PCDH15: variants seen among roughly 807,000 people sequenced by gnomAD.
The protein encoded by PCDH15 is protocadherin related 15.
PCDH15 carries 129 observed loss-of-function variants against 178.5 expected under a neutral mutation model. That is an observed-to-expected ratio of 0.72 (90% confidence interval 0.63 to 0.84). The LOEUF (loss-of-function observed/expected upper bound fraction) is 0.84. Among genes scored for constraint, PCDH15 ranks in the 40% least tolerant of loss-of-function variants. The probability of loss-of-function intolerance (pLI) is 0.00; values close to 1 mark genes in which losing one functional copy is unlikely to be tolerated. For missense variants in PCDH15, 2,230 were observed against 2,099.9 expected, an observed-to-expected ratio of 1.06 and a Z score of -1.21; for synonymous variants, 800 against 732.0, an observed-to-expected ratio of 1.09 and a Z score of -1.50.
chr10:54,080,585 T>C (rs2135958405), intron 16 of PCDH15, among the ~76,000 whole-genome samples: 1 of 152,268 alleles, frequency 6.6e-6, no homozygotes. Flanking sequence ...ATTTAAACAA[T>C]TCATATCACA....
intron 2 of PCDH15, among the ~76,000 whole-genome samples, chr10:55,042,684 T>C (rs1320177645): frequency 6.6e-6 from 1 of 152,076 alleles, no homozygotes; most frequent in African/African-American, 2.4e-5. Context: ...TAAAAGTCAC[T>C]CAAAGTCATG....
chr10:55,077,839 G>C (rs1841946430), intron 2 of PCDH15, among the ~76,000 whole-genome samples: 1 of 152,112 alleles, frequency 6.6e-6, no homozygotes, highest in Admixed American at 6.6e-5. Context: ...GAGCCACCGT[G>C]CCCGGCCAGT....
intron 1 of PCDH15, among the ~76,000 whole-genome samples, chr10:55,192,352 G>T (rs922365260): frequency 6.6e-6 from 1 of 151,778 alleles, no homozygotes; most frequent in Non-Finnish European, 1.5e-5. Flanking sequence ...AAAATAAAAT[G>T]GTCCTACAGT....
chr10:53,914,705 T>C (rs1212492476), intron 25 of PCDH15, among the ~76,000 whole-genome samples: 3 of 152,120 alleles, frequency 2.0e-5, no homozygotes, highest in Non-Finnish European at 4.4e-5. Context: ...ATGGCACATG[T>C]ATACCTATGT....
chr10:55,324,142 T>A (rs1843973488), upstream of PCDH15, among the ~76,000 whole-genome samples: 1 of 152,184 alleles, frequency 6.6e-6, no homozygotes, highest in Non-Finnish European at 1.5e-5. Context: ...TTTTGAGGAA[T>A]CCTCAGCCAT....
intron 3 of PCDH15, among the ~76,000 whole-genome samples, chr10:54,446,835 G>A (rs2076169516): frequency 6.6e-6 from 1 of 151,414 alleles, no homozygotes; most frequent in African/African-American, 2.4e-5. Context: ...AACTGCTGAT[G>A]TACTGTTTCT....
chr10:54,704,463 A>AAAAT (rs2095345600), intron 1 of PCDH15, among the ~76,000 whole-genome samples: 1 of 152,144 alleles, frequency 6.6e-6, no homozygotes, highest in African/African-American at 2.4e-5. Context: ...ATTAAGAAGC[A>AAAAT]AAACAAACAA....
intron 2 of PCDH15, among the ~76,000 whole-genome samples, chr10:55,556,550 G>A (rs1458277570): frequency 2.0e-5 from 3 of 151,990 alleles, no homozygotes; most frequent in Non-Finnish European, 2.9e-5. Flanking sequence ...TTTACATTGG[G>A]CCAGGAGTGG....
intron 2 of PCDH15, among the ~76,000 whole-genome samples, chr10:55,370,030 A>C (rs1385180685): frequency 6.6e-6 from 1 of 152,062 alleles, no homozygotes; most frequent in African/African-American, 2.4e-5. Context: ...TAACTTGAAC[A>C]TATTTCAAAT....
intron 6 of PCDH15, among the ~76,000 whole-genome samples, chr10:54,341,879 G>A (rs928094007): frequency 2.6e-5 from 4 of 152,154 alleles, no homozygotes; most frequent in African/African-American, 9.7e-5. Flanking sequence ...TGTGGAACTT[G>A]GAACTTGAGA....
At chr10:54,779,481 T>TATATGTGTGTATATATATATACACAC (rs1566222419) in intron 1 of PCDH15, among the ~76,000 whole-genome samples, 24 of 74,280 alleles carry the variant, frequency 3.2e-4, no homozygotes, top group African/African-American at 8.8e-4. Flanking sequence ...TATACACACA[T>TATATGTGTGTATATATATATACACAC]ATATATGTAT....
At chr10:54,313,409 A>G (rs12358864) in intron 8 of PCDH15, among the ~76,000 whole-genome samples, 39,400 of 152,040 alleles carry the variant, frequency 0.26, 6,393 homozygotes, top group Middle Eastern at 0.38. Flanking sequence ...ATATTATAGT[A>G]CAACAAGGGA....
intron 8 of PCDH15, among the ~76,000 whole-genome samples, chr10:54,252,216 T>C (rs555898300): frequency 3.1e-4 from 47 of 152,276 alleles, no homozygotes; most frequent in African/African-American, 8.7e-4. Flanking sequence ...GTTTCTAGTG[T>C]TGATGCAACT....
At chr10:55,137,978 A>T (rs948848209) in intron 2 of PCDH15, among the ~76,000 whole-genome samples, 6 of 151,986 alleles carry the variant, frequency 3.9e-5, no homozygotes, top group African/African-American at 1.5e-4. Context: ...AGGCCTGAAA[A>T]CCTGTCACTT....
chr10:54,679,384 A>G (rs1565923940), intron 1 of PCDH15, among the ~76,000 whole-genome samples: 1 of 152,134 alleles, frequency 6.6e-6, no homozygotes, highest in Non-Finnish European at 1.5e-5. Flanking sequence ...AGCAAAACAC[A>G]CTCTGTTTCA....
At chr10:54,655,735 G>C (rs1245368976) in intron 2 of PCDH15, 1 of 152,060 alleles carries the variant, frequency 6.6e-6, no homozygotes, top group East Asian at 1.9e-4. Context: ...CTTTCAAACT[G>C]TTATCCTACA....
At chr10:55,625,723 C>A (rs1228492621) in intron 2 of PCDH15, among the ~76,000 whole-genome samples, 1 of 152,156 alleles carries the variant, frequency 6.6e-6, no homozygotes. Context: ...CCTGCTCATG[C>A]AGATTTAAGA....
chr10:54,267,418 AG>A lies in PCDH15; in HGVS notation c.877-30488del, dbSNP rs538021198. Among the ~76,000 whole-genome samples the A allele has an allele frequency of 1.2e-3, 186 of 151,992 alleles. 1 individual carries two copies. The highest frequency in any genetic ancestry group is 4.3e-3 in the African/African-American group (180 of 41,542). ...TATTCAACTTAATACTTGAAGCCCT[AG>A]CCAGAATGATCGACCAACAGCAAGA... On this transcript the variant is annotated intron_variant, in intron 8 of 37. Transcript: ENST00000644397.
intron 2 of PCDH15, among the ~76,000 whole-genome samples, chr10:54,964,922 T>C (rs1236158534): frequency 6.6e-6 from 1 of 152,190 alleles, no homozygotes; most frequent in African/African-American, 2.4e-5. Context: ...TCTGAGATAA[T>C]GTGTTACAAC....
Sources: allele counts gnomAD v4.1 joint callset (sites outside exome capture counted in the v4.1 genomes callset), GRCh38; gene constraint gnomAD v4.1.1; transcripts MANE v1.5; gene names NCBI Gene and HGNC (gene_info 2026-07-23, HGNC 2026-07-21).